Variants in BABAM2 observed in about 807,000 individuals in gnomAD.
BABAM2 encodes BRISC and BRCA1 A complex member 2, also known as BRISC and BRCA1-A complex member 2.
In BABAM2, 31 loss-of-function variants were observed where a neutral mutation model predicts 54.7. The ratio of observed to expected loss-of-function variants is 0.57; its 90% CI spans 0.43 to 0.77. BABAM2 has a LOEUF of 0.77. Ranked by LOEUF, BABAM2 falls within the 30% of genes least tolerant of loss-of-function variation. The pLI, the probability that BABAM2 is intolerant of heterozygous loss-of-function variation, is 0.00. For synonymous variants in BABAM2, 167 were observed against 162.9 expected (o/e 1.03, Z -0.19); for missense variants, 364 against 455.8 (o/e 0.80, Z 1.83).
At chr2:28,220,848 A>G (rs1680338232) in intron 7 of BABAM2, among the ~76,000 whole-genome samples, 1 of 152,162 alleles carries the variant, frequency 6.6e-6, no homozygotes, top group Non-Finnish European at 1.5e-5. Context: ...CTTGAGCCCC[A>G]GAGGTCAAGG....
At chr2:28,189,519 C>T (rs1676675537) in intron 7 of BABAM2, among the ~76,000 whole-genome samples, 1 of 151,958 alleles carries the variant, frequency 6.6e-6, no homozygotes, top group African/African-American at 2.4e-5. Context: ...AGAGGATAGG[C>T]CATTAAACAC....
chr2:28,338,816 A>G lies in BABAM2; in HGVS notation c.*303A>G. ...TTCCGGGGAAAGTAAAGCCTCAGGAATGCCCACGCCTTTCTTCCAAAGCCT... is the reference window on the plus strand; with the variant it reads ...TTCCGGGGAAAGTAAAGCCTCAGGAGTGCCCACGCCTTTCTTCCAAAGCCT... On this transcript the variant is annotated 3_prime_UTR_variant, in exon 12 of 12. Transcript: ENST00000379624. The G allele has an allele frequency of 2.9e-6, 1 of 349,708 alleles. No individual in the cohort carries two copies. Among genetic ancestry groups the G allele is most frequent in the Non-Finnish European group, 5.4e-6 (1 of 185,516 alleles). 21.7% of individuals were successfully genotyped at this position (349,708 alleles called of 1,614,324 possible). A position where few individuals can be genotyped will look rare whatever the true frequency, so the allele number is the denominator to read the frequency against.
chr2:28,095,061 C>T (rs1427232953), intron 6 of BABAM2, among the ~76,000 whole-genome samples: 3 of 152,010 alleles, frequency 2.0e-5, no homozygotes, highest in Admixed American at 6.6e-5. Flanking sequence ...GCATTGTTTC[C>T]TCTGTATGCT....
At chr2:28,011,233 G>T (rs1157232215) in intron 4 of BABAM2, among the ~76,000 whole-genome samples, 1 of 152,190 alleles carries the variant, frequency 6.6e-6, no homozygotes, top group Non-Finnish European at 1.5e-5. Flanking sequence ...TATGGATCTG[G>T]GGATAAGAGG....
chr2:27,936,812 G>T (rs1011989335), intron 3 of BABAM2, among the ~76,000 whole-genome samples: 1 of 152,086 alleles, frequency 6.6e-6, no homozygotes, highest in African/African-American at 2.4e-5. Flanking sequence ...GTAGGGGCAG[G>T]GGGGAGGGAT....
intron 7 of BABAM2, among the ~76,000 whole-genome samples, chr2:28,201,303 C>T (rs1165905080): frequency 2.0e-5 from 3 of 151,998 alleles, no homozygotes; most frequent in African/African-American, 7.3e-5. Context: ...TTTCTTTGGT[C>T]CTAATATCAC....
intron 2 of BABAM2, among the ~76,000 whole-genome samples, chr2:27,900,031 G>A (rs1296329845): frequency 6.6e-6 from 1 of 152,170 alleles, no homozygotes; most frequent in Non-Finnish European, 1.5e-5. Context: ...GCCGAAGTGT[G>A]AATTTCTCGT....
intron 6 of BABAM2, among the ~76,000 whole-genome samples, chr2:28,053,523 T>C (rs1678155596): frequency 6.6e-6 from 1 of 152,202 alleles, no homozygotes; most frequent in Admixed American, 6.5e-5. Context: ...AATAAGACGA[T>C]TTATCCTTGC....
intron 11 of BABAM2, among the ~76,000 whole-genome samples, chr2:28,326,152 C>T (rs1222515736): frequency 6.6e-6 from 1 of 152,176 alleles, no homozygotes; most frequent in Non-Finnish European, 1.5e-5. Flanking sequence ...CTTTCGATGA[C>T]TAAAAAGTGG....
intron 8 of BABAM2, among the ~76,000 whole-genome samples, chr2:28,238,860 G>A (rs983445987): frequency 1.7e-4 from 26 of 151,902 alleles, no homozygotes; most frequent in South Asian, 6.2e-4. Context: ...TTATAACACC[G>A]TTTTCCCAGA....
rs1205202500 is a variant in BABAM2 at position 27,920,487 on chromosome 2, A to G, written c.129-9345A>G. ...TTTAATTCAGAGAAAATAAATTCTA[A>G]AAGATGAAAATGTAGTTAATATTAG... is the stretch of plus-strand genomic sequence containing the variant. On this transcript the variant is annotated intron_variant, in intron 2 of 11. Transcript: ENST00000379624. Among the ~76,000 whole-genome samples the G allele has an allele frequency of 3.9e-5, 6 of 152,358 alleles. No homozygotes were observed. In the East Asian group the frequency reaches 1.2e-3, roughly 29 times the overall value.
chr2:28,092,811 A>T (rs1295989067), intron 6 of BABAM2, among the ~76,000 whole-genome samples: 3 of 149,630 alleles, frequency 2.0e-5, no homozygotes, highest in Non-Finnish European at 4.4e-5. Context: ...ATTTGTACTT[A>T]TTCTTGCCAT....
intron 10 of BABAM2, among the ~76,000 whole-genome samples, chr2:28,282,808 G>A (rs532656028): frequency 4.9e-4 from 75 of 151,864 alleles, no homozygotes; most frequent in African/African-American, 1.7e-3. Flanking sequence ...GACCAGCCTC[G>A]CCAACATGGT....
At chr2:27,960,032 GA>G (rs1488750237) in intron 3 of BABAM2, among the ~76,000 whole-genome samples, 1 of 151,900 alleles carries the variant, frequency 6.6e-6, no homozygotes, top group Non-Finnish European at 1.5e-5. Flanking sequence ...CATTTCAATA[GA>G]TTTTTTTCCC....
At chr2:27,987,786 G>T (rs1383328982) in intron 3 of BABAM2, among the ~76,000 whole-genome samples, 1 of 147,022 alleles carries the variant, frequency 6.8e-6, no homozygotes, top group Non-Finnish European at 1.5e-5. Flanking sequence ...TTGCACTCCA[G>T]TCTGGATGAC....
At chr2:28,233,809 G>A (rs1681647760) in intron 7 of BABAM2, among the ~76,000 whole-genome samples, 1 of 152,228 alleles carries the variant, frequency 6.6e-6, no homozygotes, top group South Asian at 2.1e-4. Context: ...TCACATTTGA[G>A]ATCAAATGAA....
intron 11 of BABAM2, among the ~76,000 whole-genome samples, chr2:28,336,689 A>G (rs2148346737): frequency 6.6e-6 from 1 of 152,362 alleles, no homozygotes; most frequent in South Asian, 2.1e-4. Flanking sequence ...AGCACTGAGA[A>G]AGAGCTGGAG....
intron 4 of BABAM2, chr2:28,016,468 G>T: frequency 3.2e-6 from 4 of 1,240,880 alleles, no homozygotes; most frequent in Non-Finnish European, 4.7e-6. Flanking sequence ...CTACCCATTT[G>T]TCCCACTTGC....
At chr2:28,161,459 A>G (rs553120723) in intron 7 of BABAM2, among the ~76,000 whole-genome samples, 2 of 152,162 alleles carry the variant, frequency 1.3e-5, no homozygotes, top group South Asian at 4.1e-4. Flanking sequence ...TAGGCCTTCA[A>G]GGAAATTCCA....
Sources: gnomAD v4.1 joint callset for allele counts (sites outside exome capture counted in the v4.1 genomes callset) on GRCh38, gnomAD v4.1.1 for gene constraint, MANE v1.5 for transcripts, NCBI Gene and HGNC (gene_info 2026-07-23, HGNC 2026-07-21) for gene names.